B3GALT1: variants seen among roughly 807,000 people sequenced by gnomAD.
B3GALT1 encodes the protein beta-1,3-galactosyltransferase 1, also known as UDP-Gal:betaGlcNAc beta 1,3-galactosyltransferase, polypeptide 1.
Under a neutral mutation model 23.2 loss-of-function variants are expected in B3GALT1, and 10 were observed. That is an observed-to-expected ratio of 0.43 (90% confidence interval 0.27 to 0.73). The LOEUF (loss-of-function observed/expected upper bound fraction) is 0.73. Among genes scored for constraint, B3GALT1 ranks in the 30% least tolerant of loss-of-function variants. The pLI, the probability that B3GALT1 is intolerant of heterozygous loss-of-function variation, is 0.21. For synonymous variants in B3GALT1, 156 were observed against 141.5 expected (o/e 1.10, Z -0.73); for missense variants, 299 against 405.4 (o/e 0.74, Z 2.25).
intron 1 of B3GALT1, among the ~76,000 whole-genome samples, chr2:167,299,617 A>T (rs1172705750): frequency 6.6e-6 from 1 of 152,196 alleles, no homozygotes; most frequent in Non-Finnish European, 1.5e-5. Context: ...ATAAGCAACA[A>T]TTAACAAATA....
At chr2:167,680,294 TG>T (rs1686504507) in intron 3 of B3GALT1, among the ~76,000 whole-genome samples, 1 of 152,220 alleles carries the variant, frequency 6.6e-6, no homozygotes, top group Admixed American at 6.5e-5. Flanking sequence ...CAGGGGGATT[TG>T]TTTCTACATT....
rs7564588 is a variant in B3GALT1, at chr2:167,350,743, A to G, written c.-511+57409A>G. 7.5e-3 allele frequency among the ~76,000 whole-genome samples: 1,138 copies of G among 152,128 alleles called. 23 individuals carry two copies. Among genetic ancestry groups the G allele is most frequent in the African/African-American group, 0.026 (1,092 of 41,454 alleles). ...GCATGAATGCAGCCACATGTTCCGCATGGATATAGCCACGTGGGACCTACA... is the reference window on the plus strand; with the variant it reads ...GCATGAATGCAGCCACATGTTCCGCGTGGATATAGCCACGTGGGACCTACA... On this transcript the variant is annotated intron_variant, in intron 1 of 4. Transcript: ENST00000392690.
intron 2 of B3GALT1, among the ~76,000 whole-genome samples, chr2:167,536,411 G>C (rs548059591): frequency 1.2e-4 from 19 of 152,242 alleles, no homozygotes; most frequent in African/African-American, 4.3e-4. Flanking sequence ...TGAGGCATTG[G>C]TGGTTACAAA....
intron 1 of B3GALT1, among the ~76,000 whole-genome samples, chr2:167,336,941 C>T (rs1697066382): frequency 6.6e-6 from 1 of 152,116 alleles, no homozygotes; most frequent in Admixed American, 6.6e-5. Context: ...AAATCTCTAC[C>T]TCAAACAGTT....
intron 2 of B3GALT1, among the ~76,000 whole-genome samples, chr2:167,560,389 T>C (rs1358033248): frequency 6.8e-6 from 1 of 147,842 alleles, no homozygotes; most frequent in Non-Finnish European, 1.5e-5. Context: ...AGGAAGAAAC[T>C]GCATCAACTA....
At chr2:167,767,810 TATATATAAAGAA>T (rs1237234430) in intron 3 of B3GALT1, among the ~76,000 whole-genome samples, 1 of 152,128 alleles carries the variant, frequency 6.6e-6, no homozygotes, top group Non-Finnish European at 1.5e-5. Flanking sequence ...ACGAATACAA[TATATATAAAGAA>T]ATTTATTATA....
At chr2:167,525,502 C>G (rs1469317200) in intron 2 of B3GALT1, among the ~76,000 whole-genome samples, 3 of 151,914 alleles carry the variant, frequency 2.0e-5, no homozygotes, top group Non-Finnish European at 4.4e-5. Context: ...TTTATTCAGT[C>G]ATTTATTTAT....
At position 167,583,956 on chromosome 2, in the gene B3GALT1, C is replaced by T. The variant is rs1684535729; in HGVS notation, c.-409-62953C>T. 2.3e-5 allele frequency among the ~76,000 whole-genome samples: 3 copies of T among 128,650 alleles called. No homozygotes were observed. In the South Asian group the frequency reaches 7.7e-4, roughly 33 times the overall value. The allele number at this position is 128,650 out of a possible 152,430, so 84.4% of individuals were successfully genotyped here. ...CTGTAATAGCAAAATTATGTCTAGA[C>T]ATATATACCAAATACCCAGCTGTCC... is the stretch of plus-strand genomic sequence containing the variant. On this transcript the variant is annotated intron_variant, in intron 2 of 4. Transcript: ENST00000392690.
chr2:167,533,390 T>G (rs924280518), intron 2 of B3GALT1, among the ~76,000 whole-genome samples: 4 of 152,138 alleles, frequency 2.6e-5, no homozygotes, highest in Non-Finnish European at 5.9e-5. Context: ...TTTTTAAGAA[T>G]CTATTAATAG....
intron 3 of B3GALT1, among the ~76,000 whole-genome samples, chr2:167,648,016 A>G (rs1685778805): frequency 6.6e-6 from 1 of 152,124 alleles, no homozygotes; most frequent in African/African-American, 2.4e-5. Context: ...TTGAATCATG[A>G]TGAATTTTTC....
intron 1 of B3GALT1, among the ~76,000 whole-genome samples, chr2:167,303,441 G>C (rs757894995): frequency 6.6e-6 from 1 of 151,994 alleles, no homozygotes; most frequent in Non-Finnish European, 1.5e-5. Context: ...TAGGTAGCTG[G>C]TAAAACATTA....
Position 167,293,130 on chromosome 2 carries a change from C to CGCCGGCGCT in B3GALT1, c.-709_-701dup, listed in dbSNP as rs977808312. 4.6e-5 allele frequency: 7 copies of CGCCGGCGCT among 151,270 alleles called. No homozygotes were observed. The highest frequency in any genetic ancestry group is 1.5e-4 in the African/African-American group (6 of 41,338). The allele number at this position is 151,270 out of a possible 1,614,324, so 9.4% of individuals were successfully genotyped here. On this transcript the variant is annotated 5_prime_UTR_variant, in exon 1 of 5. Coordinates refer to ENST00000392690, the MANE Select transcript of B3GALT1 (RefSeq NM_020981.4). ...TCTGCTGCTGCCCACCCCGCCGCGC[C>CGCCGGCGCT]GCCGGCGCTGCCGGTCTTGCAGGCG... is the stretch of plus-strand genomic sequence containing the variant.
intron 3 of B3GALT1, among the ~76,000 whole-genome samples, chr2:167,771,315 T>C (rs1027828779): frequency 1.4e-4 from 22 of 152,338 alleles, no homozygotes; most frequent in African/African-American, 5.3e-4. Context: ...GTAGGCCGTG[T>C]GCAGTGGCTC....
chr2:167,374,524 T>C lies in B3GALT1; in HGVS notation c.-511+81190T>C, dbSNP rs143699281. Reference sequence around the variant, plus strand: ...TTTTCTCTACAGTTATCACCAGCTCTGTTTTTTATCTTTTTAATAATAACC... The same window carrying C: ...TTTTCTCTACAGTTATCACCAGCTCCGTTTTTTATCTTTTTAATAATAACC... On this transcript the variant is annotated intron_variant, in intron 1 of 4. Coordinates refer to ENST00000392690, the MANE Select transcript of B3GALT1 (RefSeq NM_020981.4). 4.1e-3 allele frequency among the ~76,000 whole-genome samples: 629 copies of C among 152,292 alleles called. 1 individual carries two copies. Among genetic ancestry groups the C allele is most frequent in the Non-Finnish European group, 6.2e-3 (422 of 68,002 alleles).
chr2:167,401,919 G>A lies in B3GALT1; in HGVS notation c.-510-88258G>A, dbSNP rs954456721. Among the ~76,000 whole-genome samples, 6 of 152,272 alleles carry A rather than the reference G, an allele frequency of 3.9e-5. No homozygotes were observed. In the South Asian group the frequency reaches 6.2e-4, roughly 16 times the overall value. ...GGAAGATTATTTAGGCTTGAATGCC[G>A]TAACTGGAGTAGAAGCTCATTAAAA... On this transcript the variant is annotated intron_variant, in intron 1 of 4. Transcript: ENST00000392690.
intron 2 of B3GALT1, among the ~76,000 whole-genome samples, chr2:167,561,877 A>G (rs1190005788): frequency 6.6e-6 from 1 of 152,242 alleles, no homozygotes; most frequent in East Asian, 1.9e-4. Context: ...TACCAGAGGT[A>G]CAAGGAGGAA....
At chr2:167,496,973 G>A (rs183175389) in intron 2 of B3GALT1, among the ~76,000 whole-genome samples, 1 of 152,144 alleles carries the variant, frequency 6.6e-6, no homozygotes, top group African/African-American at 2.4e-5. Context: ...GTTAATGGGT[G>A]CAGCACACCA....
intron 1 of B3GALT1, among the ~76,000 whole-genome samples, chr2:167,375,428 G>A (rs1459787214): frequency 6.6e-6 from 1 of 152,084 alleles, no homozygotes; most frequent in Non-Finnish European, 1.5e-5. Flanking sequence ...GATTGCTTTG[G>A]GAAGTATGGC....
chr2:167,668,763 C>A (rs1686262712), intron 3 of B3GALT1, among the ~76,000 whole-genome samples: 1 of 152,198 alleles, frequency 6.6e-6, no homozygotes, highest in Non-Finnish European at 1.5e-5. Context: ...ACTCCCTGAC[C>A]CCTTGCGCTT....
Sources: gnomAD v4.1 joint callset for allele counts (sites outside exome capture counted in the v4.1 genomes callset) on GRCh38, gnomAD v4.1.1 for gene constraint, MANE v1.5 for transcripts, NCBI Gene and HGNC (gene_info 2026-07-23, HGNC 2026-07-21) for gene names.